The following ZC3H14 variants were observed in gnomAD, a reference collection of about 807,000 sequenced individuals.
ZC3H14 encodes zinc finger CCCH-type containing 14, also known as zinc finger CCCH domain-containing protein 14.
Under a neutral mutation model 92.4 loss-of-function variants are expected in ZC3H14, and 31 were observed. The observed-to-expected ratio is 0.34, with a 90% CI of 0.25 to 0.45. The LOEUF (loss-of-function observed/expected upper bound fraction) is 0.45. Among genes scored for constraint, ZC3H14 ranks in the 20% least tolerant of loss-of-function variants. The pLI is 1.00. For synonymous variants in ZC3H14, 321 were observed against 300.9 expected (o/e 1.07, Z -0.69); for missense variants, 781 against 897.3 (o/e 0.87, Z 1.66).
Position 88,622,501 on chromosome 14 carries a change from G to A in ZC3H14, c.*10750G>A, listed in dbSNP as rs1166517701. ...TGTTGGCAAGCAAATCCATCGTTAT[G>A]CATTATTAAGTATTGTTCATTAGGC... is the stretch of plus-strand genomic sequence containing the variant. On this transcript the variant is annotated 3_prime_UTR_variant, in exon 17 of 17. Transcript: ENST00000251038. 1.1e-5 allele frequency: 10 copies of A among 876,256 alleles called. No homozygotes were observed. Among genetic ancestry groups the A allele is most frequent in the African/African-American group, 3.4e-5 (2 of 58,088 alleles). The allele number at this position is 876,256 out of a possible 1,614,324, so 54.3% of individuals were successfully genotyped here.
intron 2 of ZC3H14, among the ~76,000 whole-genome samples, chr14:88,564,892 CCT>C (rs2079369340): frequency 6.6e-6 from 1 of 152,148 alleles, no homozygotes; most frequent in African/African-American, 2.4e-5. Flanking sequence ...AAGCTAGCCA[CCT>C]CTTTCAGGGA....
intron 9 of ZC3H14, among the ~76,000 whole-genome samples, chr14:88,587,020 T>C (rs1243612013): frequency 6.6e-6 from 1 of 152,208 alleles, no homozygotes; most frequent in East Asian, 1.9e-4. Context: ...ATTTATACTT[T>C]TCCCTTGCTT....
intron 2 of ZC3H14, chr14:88,567,800 A>G (rs1033953620): frequency 1.1e-5 from 6 of 545,154 alleles, no homozygotes; most frequent in Admixed American, 2.4e-5. Context: ...GTTTGACCCT[A>G]TAATTCAGAA....
chr14:88,572,287 G>T (rs1407796795), intron 5 of ZC3H14, 62 bp downstream of exon 5: 15 of 1,562,174 alleles, frequency 9.6e-6, no homozygotes, highest in Non-Finnish European at 1.3e-5. Context: ...ATTTATATTA[G>T]TTTTTATATC....
chr14:88,607,549 C>T (rs922622177), intron 13 of ZC3H14, among the ~76,000 whole-genome samples, 186 bp downstream of exon 13: 2 of 143,688 alleles, frequency 1.4e-5, no homozygotes, highest in African/African-American at 5.2e-5. Context: ...CCCATTTCAC[C>T]CTGCAAGTAC....
rs1225441790 is a variant in ZC3H14, at chr14:88,622,479, T to G, written c.*10728T>G. 2 of 722,572 alleles carry G rather than the reference T, an allele frequency of 2.8e-6. No individual in the cohort carries two copies. The highest frequency in any genetic ancestry group is 2.0e-6 in the Non-Finnish European group (1 of 487,872). The allele number at this position is 722,572 out of a possible 1,614,324, so 44.8% of individuals were successfully genotyped here. A position where few individuals can be genotyped will look rare whatever the true frequency, so the allele number is the denominator to read the frequency against. ...GAAAGCAGCAAAGACAGAGTAATGT[T>G]GGCAAGCAAATCCATCGTTATGCAT... On this transcript the variant is annotated 3_prime_UTR_variant, in exon 17 of 17. Coordinates refer to ENST00000251038, the MANE Select transcript of ZC3H14 (RefSeq NM_024824.5).
intron 4 of ZC3H14, among the ~76,000 whole-genome samples, chr14:88,571,758 G>A (rs1488932168): frequency 6.6e-6 from 1 of 152,038 alleles, no homozygotes; most frequent in East Asian, 1.9e-4. Flanking sequence ...TCAGGAGATG[G>A]AGACCATCTT....
intron 9 of ZC3H14, chr14:88,591,669 T>C (rs2083153286): frequency 6.6e-6 from 1 of 152,220 alleles, no homozygotes; most frequent in Non-Finnish European, 1.5e-5. Flanking sequence ...AGAACTGCAC[T>C]TAAAAGTTTG....
Position 88,622,624 on chromosome 14 carries a change from G to C in ZC3H14, c.*10873G>C. On this transcript the variant is annotated 3_prime_UTR_variant, in exon 17 of 17. Coordinates refer to ENST00000251038, the MANE Select transcript of ZC3H14 (RefSeq NM_024824.5). Reference sequence around the variant, plus strand: ...CTTACTTTGCCTCTGCACACAGAACGAACACAATCTGTGGCTTGTCCTGTC... The same window carrying C: ...CTTACTTTGCCTCTGCACACAGAACCAACACAATCTGTGGCTTGTCCTGTC... 6.2e-7 allele frequency: 1 copy of C among 1,608,542 alleles called. No individual in the cohort carries two copies. Among genetic ancestry groups the C allele is most frequent in the Non-Finnish European group, 8.5e-7 (1 of 1,177,272 alleles).
intron 1 of ZC3H14, chr14:88,563,442 A>G (rs567498224): frequency 2.1e-4 from 304 of 1,435,056 alleles, no homozygotes; most frequent in Middle Eastern, 1.3e-3. Flanking sequence ...GCCGCTTTGG[A>G]TCCGCTGCGG....
At position 88,621,760 on chromosome 14, in the gene ZC3H14, A is replaced by G; in HGVS notation, c.*10009A>G. The G allele has an allele frequency of 2.9e-6, 1 of 339,258 alleles. No individual in the cohort carries two copies. The highest frequency in any genetic ancestry group is 5.9e-6 in the Non-Finnish European group (1 of 170,040). The allele number at this position is 339,258 out of a possible 1,614,324, so 21.0% of individuals were successfully genotyped here. On this transcript the variant is annotated 3_prime_UTR_variant, in exon 17 of 17. Transcript: ENST00000251038. ...TACAAACACGCTCAAAAATTTTCAT[A>G]GGAGTTGTAGTTTTGAATTTTTATT...
At chr14:88,602,368 C>A (rs1292428777) in intron 11 of ZC3H14, among the ~76,000 whole-genome samples, 2 of 152,196 alleles carry the variant, frequency 1.3e-5, no homozygotes, top group Non-Finnish European at 2.9e-5. Flanking sequence ...AGTTTAAAAG[C>A]CAGCTGACCA....
chr14:88,594,472 T>C, intron 9 of ZC3H14: 1 of 1,312,378 alleles, frequency 7.6e-7, no homozygotes, highest in South Asian at 1.6e-5. Flanking sequence ...GCTTCTTAGT[T>C]GTAGCGAAGA....
chr14:88,574,047 A>G (rs1239477307), intron 6 of ZC3H14, among the ~76,000 whole-genome samples: 1 of 152,216 alleles, frequency 6.6e-6, no homozygotes, highest in African/African-American at 2.4e-5. Flanking sequence ...CATTTGAGAT[A>G]TTAATCTTAA....
chr14:88,602,213 G>A, intron 11 of ZC3H14, 130 bp downstream of exon 11: 1 of 1,253,564 alleles, frequency 8.0e-7, no homozygotes. Flanking sequence ...TCAGTAGCTA[G>A]CCCATGAATA....
In ZC3H14 at chr14:88,567,893, T is replaced by A. The variant is rs1464199304; in HGVS notation, c.80-146T>A. ...ACCTGTGGAATGAAGAGAAAAAAAT[T>A]AAAGCTAAGCCATCTTGTCCAATGT... On this transcript the variant is annotated intron_variant, in intron 2 of 16. Coordinates refer to ENST00000251038, the MANE Select transcript of ZC3H14 (RefSeq NM_024824.5). 16 of 714,544 alleles carry A rather than the reference T, an allele frequency of 2.2e-5. No homozygotes were observed. In the Admixed American group the frequency reaches 3.2e-4, roughly 14 times the overall value. The allele number at this position is 714,544 out of a possible 1,614,324, so 44.3% of individuals were successfully genotyped here.
intron 2 of ZC3H14, chr14:88,567,838 C>T (rs566538540): frequency 9.6e-6 from 6 of 624,254 alleles, no homozygotes; most frequent in African/African-American, 9.0e-5. Flanking sequence ...ATCAATTATT[C>T]TTAATTTCCA....
Position 88,618,634 on chromosome 14 carries a change from A to C in ZC3H14, c.*6883A>C. On this transcript the variant is annotated 3_prime_UTR_variant, in exon 17 of 17. Coordinates refer to ENST00000251038, the MANE Select transcript of ZC3H14 (RefSeq NM_024824.5). ...AGAAGAACTTGCCACCTGGGTATACAGTATTGGTACTGTACCTGGAGATAA... is the reference window on the plus strand; with the variant it reads ...AGAAGAACTTGCCACCTGGGTATACCGTATTGGTACTGTACCTGGAGATAA... 6.3e-7 allele frequency: 1 copy of C among 1,598,258 alleles called. No homozygotes were observed. Among genetic ancestry groups the C allele is most frequent in the Non-Finnish European group, 8.5e-7 (1 of 1,173,766 alleles).
At chr14:88,583,412 C>G (rs2082142341) in intron 9 of ZC3H14, among the ~76,000 whole-genome samples, 1 of 152,070 alleles carries the variant, frequency 6.6e-6, no homozygotes, top group African/African-American at 2.4e-5. Context: ...GCCACTGCAC[C>G]TGGCCCGACT....
Sources: allele counts gnomAD v4.1 joint callset (sites outside exome capture counted in the v4.1 genomes callset), GRCh38; gene constraint gnomAD v4.1.1; transcripts MANE v1.5; gene names NCBI Gene and HGNC (gene_info 2026-07-23, HGNC 2026-07-21).